The following ZNF674 variants were observed in gnomAD, a reference collection of about 807,000 sequenced individuals.
The protein encoded by ZNF674 is zinc finger family member 674.
In ZNF674, 2 loss-of-function variants were observed where a neutral mutation model predicts 7.0. That is an observed-to-expected ratio of 0.29 (90% CI 0.12 to 0.90). ZNF674 has a LOEUF of 0.90. ZNF674 is among the 40% of genes least tolerant of loss of function. The probability of loss-of-function intolerance (pLI) is 0.57; values close to 1 mark genes in which losing one functional copy is unlikely to be tolerated. For missense variants in ZNF674, 297 were observed against 415.5 expected (o/e 0.71, Z 2.48); for synonymous variants, 103 against 145.2 (o/e 0.71, Z 2.09).
At chrX:46,519,971 A>C (rs781476431) in intron 5 of ZNF674, among the ~76,000 whole-genome samples, 8 of 112,425 alleles carry the variant, frequency 7.1e-5, no homozygotes, top group Non-Finnish European at 1.5e-4. Context: ...GTGAAAAAGA[A>C]CTAATCCCTT....
chrX:46,503,001 A>G (rs1941463312), intron 5 of ZNF674, among the ~76,000 whole-genome samples: 1 of 112,158 alleles, frequency 8.9e-6, no homozygotes, highest in South Asian at 3.7e-4. Context: ...TTCTTTTCTA[A>G]AATGGAAGAA....
chrX:46,512,488 T>C (rs1365315715), intron 5 of ZNF674, among the ~76,000 whole-genome samples: 2 of 107,755 alleles, frequency 1.9e-5, no homozygotes, highest in Admixed American at 9.9e-5. Context: ...GGGTCGGGCA[T>C]GGTGGCTCAT....
intron 5 of ZNF674, among the ~76,000 whole-genome samples, chrX:46,508,081 T>G (rs577374691): frequency 1.8e-5 from 2 of 111,351 alleles, no homozygotes; most frequent in African/African-American, 6.5e-5. Flanking sequence ...ATCAAGAGAA[T>G]ACTGCCTTAG....
In ZNF674 at chrX:46,501,319, G is replaced by A. The variant is rs370415210; in HGVS notation, c.255C>T (p.Asp85=). The change falls in exon 6 of 6, where the codon GAC becomes GAT. Residue 85 remains aspartate, a synonymous_variant. Transcript: ENST00000683375. ...TTTCCTTGTAGTGATCTATCTGCTC[G>A]TCAACTTCCCAGACTTCTAGAAGAA... ...VRTCAEVWEV[D]EQIDHYKESQ... is the part of the protein sequence containing the mutation. 1.5e-5 allele frequency: 18 copies of A among 1,201,817 alleles called. No individual in the cohort carries two copies. Among genetic ancestry groups the A allele is most frequent in the South Asian group, 7.3e-5 (4 of 54,870 alleles).
intron 5 of ZNF674, among the ~76,000 whole-genome samples, chrX:46,523,982 T>A (rs1236432030): frequency 9.4e-6 from 1 of 106,494 alleles, no homozygotes; most frequent in East Asian, 3.0e-4. Context: ...GTAGAGGTTG[T>A]GGTGAGCCGA....
chrX:46,532,518 A>G (rs1196351632), intron 3 of ZNF674, among the ~76,000 whole-genome samples: 1 of 112,250 alleles, frequency 8.9e-6, no homozygotes, highest in East Asian at 2.8e-4. Context: ...TGTCTCGTTA[A>G]GTCGCAAAAA....
In ZNF674 at chrX:46,509,376, C is replaced by T. The variant is rs761148833; in HGVS notation, c.239-8041G>A. Among the ~76,000 whole-genome samples, 843 of 111,016 alleles carry T rather than the reference C, an allele frequency of 7.6e-3. 6 individuals are homozygous for T. The highest frequency in any genetic ancestry group is 0.026 in the African/African-American group (798 of 30,521). On this transcript the variant is annotated intron_variant, in intron 5 of 5. Coordinates refer to ENST00000683375, the MANE Select transcript of ZNF674 (RefSeq NM_001190417.2). ...AACCTACAAAATGGGAGAACATTTT[C>T]GCAACCTACCCATCTGACAAAGGGC...
intron 3 of ZNF674, among the ~76,000 whole-genome samples, chrX:46,534,897 T>A (rs1378594244): frequency 1.8e-5 from 2 of 108,732 alleles, no homozygotes; most frequent in Non-Finnish European, 3.8e-5. Flanking sequence ...CCCGCCACCA[T>A]ACCCAACTAA....
chrX:46,520,140 G>T (rs901000966), intron 5 of ZNF674, among the ~76,000 whole-genome samples: 3 of 111,583 alleles, frequency 2.7e-5, no homozygotes, highest in East Asian at 5.6e-4. Context: ...GGTGGCTCGC[G>T]CCTGTAATCC....
chrX:46,535,358 G>A (rs1942183722), intron 3 of ZNF674, among the ~76,000 whole-genome samples: 1 of 110,779 alleles, frequency 9.0e-6, no homozygotes, highest in Admixed American at 9.7e-5. Context: ...TGTTGCCCAG[G>A]CTAGTCTCAA....
intron 3 of ZNF674, among the ~76,000 whole-genome samples, chrX:46,532,025 C>A (rs55781630): frequency 0.26 from 28,854 of 109,372 alleles, 3,014 homozygotes; most frequent in Middle Eastern, 0.37. Flanking sequence ...ATTAGCCAGG[C>A]GTGGTGGCGG....
At chrX:46,518,781 G>C (rs1195906859) in intron 5 of ZNF674, among the ~76,000 whole-genome samples, 1 of 109,200 alleles carries the variant, frequency 9.2e-6, no homozygotes, top group Non-Finnish European at 1.9e-5. Context: ...AGCTACTCGG[G>C]AGGCTGAGGC....
intron 5 of ZNF674, among the ~76,000 whole-genome samples, chrX:46,517,003 CAA>C (rs35119330): frequency 2.4e-5 from 2 of 84,922 alleles, no homozygotes; most frequent in Admixed American, 1.4e-4. Context: ...AACTCTGTCT[CAA>C]AAAAAAAAAA....
intron 5 of ZNF674, among the ~76,000 whole-genome samples, chrX:46,527,262 CA>C (rs555027642): frequency 6.1e-3 from 400 of 65,436 alleles, no homozygotes; most frequent in African/African-American, 0.015. Context: ...GACTCCATCT[CA>C]AAAAAAAAAA....
intron 5 of ZNF674, among the ~76,000 whole-genome samples, chrX:46,521,092 C>T (rs1486681189): frequency 2.8e-5 from 3 of 107,399 alleles, no homozygotes; most frequent in Non-Finnish European, 3.8e-5. Context: ...GAGACTGAGG[C>T]GGAAGAATCG....
intron 5 of ZNF674, among the ~76,000 whole-genome samples, chrX:46,525,122 A>T (rs779878265): frequency 8.9e-6 from 1 of 111,794 alleles, no homozygotes; most frequent in African/African-American, 3.2e-5. Context: ...ATAAAAATTC[A>T]AAAAACTAAG....
At chrX:46,527,442 GA>G (rs1942028876) in intron 5 of ZNF674, among the ~76,000 whole-genome samples, 1 of 110,547 alleles carries the variant, frequency 9.0e-6, no homozygotes, top group Non-Finnish European at 1.9e-5. Flanking sequence ...ACACCTACTA[GA>G]AAAAAGGACT....
intron 3 of ZNF674, among the ~76,000 whole-genome samples, chrX:46,532,028 G>C (rs767779247): frequency 2.7e-4 from 30 of 110,604 alleles, no homozygotes; most frequent in African/African-American, 8.9e-4. Flanking sequence ...AGCCAGGCGT[G>C]GTGGCGGGCG....
At chrX:46,539,983 G>A (rs747841475) in intron 3 of ZNF674, among the ~76,000 whole-genome samples, 59 of 112,232 alleles carry the variant, frequency 5.3e-4, no homozygotes, top group African/African-American at 1.2e-3. Flanking sequence ...GGGGGCTCAC[G>A]CCTGTAATCC....
Sources: gnomAD v4.1 joint callset for allele counts (sites outside exome capture counted in the v4.1 genomes callset) on GRCh38, gnomAD v4.1.1 for gene constraint, MANE v1.5 for transcripts, NCBI Gene and HGNC (gene_info 2026-07-23, HGNC 2026-07-21) for gene names.